The following LNPEP variants were observed in gnomAD, a reference collection of about 807,000 sequenced individuals.
LNPEP encodes the protein leucyl-cystinyl aminopeptidase.
In LNPEP, 64 loss-of-function variants were observed where a neutral mutation model predicts 120.6. That is an observed-to-expected ratio of 0.53 (90% CI 0.43 to 0.65). The LOEUF (loss-of-function observed/expected upper bound fraction) is 0.65. LNPEP is among the 30% of genes least tolerant of loss of function. LNPEP has a pLI of 0.00. For missense variants in LNPEP, 1,057 were observed against 1,200.0 expected, an observed-to-expected ratio of 0.88 and a Z score of 1.76; for synonymous variants, 435 against 425.4, an observed-to-expected ratio of 1.02 and a Z score of -0.28.
At chr5:96,979,051 T>C (rs895114727) in intron 1 of LNPEP, 87 bp from the exon 2 acceptor site, 2 of 1,440,992 alleles carry the variant, frequency 1.4e-6, no homozygotes, top group Middle Eastern at 1.8e-4. Context: ...TTAGTTTAAA[T>C]GTGGTCTAGG....
At chr5:96,974,954 G>A (rs891730369) in intron 1 of LNPEP, among the ~76,000 whole-genome samples, 10 of 151,966 alleles carry the variant, frequency 6.6e-5, no homozygotes, top group Admixed American at 4.6e-4. Context: ...TCTCCCTTTC[G>A]ATAGTCTCAT....
chr5:97,022,810 C>T (rs1373510056), intron 14 of LNPEP, among the ~76,000 whole-genome samples: 1 of 126,186 alleles, frequency 7.9e-6, no homozygotes, highest in Non-Finnish European at 1.6e-5. Context: ...ACAACAGTCC[C>T]CAGAGTGTGA....
chr5:96,979,089 CT>C (rs747444209), intron 1 of LNPEP, 48 bp from the exon 2 acceptor site: 377 of 1,398,644 alleles, frequency 2.7e-4, no homozygotes, highest in Middle Eastern at 3.8e-4. Context: ...ATATTATGAG[CT>C]TTTTTTTTTC....
At chr5:97,021,191 A>C (rs1791184644) in intron 13 of LNPEP, among the ~76,000 whole-genome samples, 1 of 152,172 alleles carries the variant, frequency 6.6e-6, no homozygotes, top group Non-Finnish European at 1.5e-5. Flanking sequence ...TTATAAATGA[A>C]ATATCGTATC....
intron 2 of LNPEP, among the ~76,000 whole-genome samples, chr5:96,983,448 T>A (rs1790171761): frequency 6.6e-6 from 1 of 151,550 alleles, no homozygotes; most frequent in Non-Finnish European, 1.5e-5. Context: ...CGAGGACTTT[T>A]CTTTTTTTTT....
intron 1 of LNPEP, among the ~76,000 whole-genome samples, chr5:96,957,026 T>A (rs1264274978): frequency 6.6e-6 from 1 of 152,244 alleles, no homozygotes; most frequent in African/African-American, 2.4e-5. Context: ...GAATTTTTAC[T>A]TTCTTGTTTA....
At chr5:96,991,755 G>T (rs897949381) in intron 4 of LNPEP, among the ~76,000 whole-genome samples, 1 of 152,170 alleles carries the variant, frequency 6.6e-6, no homozygotes, top group South Asian at 2.1e-4. Context: ...CACTTTGTGG[G>T]TTGTCTGTTC....
intron 1 of LNPEP, among the ~76,000 whole-genome samples, chr5:96,943,578 C>A (rs376470914): frequency 3.0e-4 from 45 of 152,322 alleles, no homozygotes; most frequent in African/African-American, 9.9e-4. Context: ...TGAGCCAGTG[C>A]GGCCCTGTGG....
intron 5 of LNPEP, 123 bp from the exon 6 acceptor site, chr5:96,993,694 C>A: frequency 1.1e-6 from 1 of 923,736 alleles, no homozygotes; most frequent in Non-Finnish European, 1.7e-6. Flanking sequence ...AGGAAGATTC[C>A]ATTTATTGTG....
intron 1 of LNPEP, among the ~76,000 whole-genome samples, chr5:96,951,829 T>C (rs73152158): frequency 0.026 from 3,993 of 152,282 alleles, 175 homozygotes; most frequent in African/African-American, 0.092. Flanking sequence ...TGTCCTGCAC[T>C]GAAGCAATTC....
intron 1 of LNPEP, among the ~76,000 whole-genome samples, chr5:96,969,208 A>C (rs1357869374): frequency 6.6e-6 from 1 of 152,066 alleles, no homozygotes; most frequent in Non-Finnish European, 1.5e-5. Flanking sequence ...CAGAAATCCA[A>C]ATACAAAAAT....
chr5:96,993,077 G>A lies in LNPEP; in HGVS notation c.1194G>A (p.Val398=). Residue 398 remains valine, a synonymous_variant, in exon 5 of 18, where the codon GTG becomes GTA. Transcript: ENST00000231368. Reference sequence around the variant, plus strand: ...TTCATTATGCCTTGGAAACAACTGTGAAGCTTCTTGAGTTTTTTCAAAACT... The same window carrying A: ...TTCATTATGCCTTGGAAACAACTGTAAAGCTTCTTGAGTTTTTTCAAAACT... ...GQVHYALETT[V]KLLEFFQNYF... 1.3e-6 allele frequency: 2 copies of A among 1,599,390 alleles called. No individual in the cohort carries two copies. The highest frequency in any genetic ancestry group is 1.7e-6 in the Non-Finnish European group (2 of 1,168,854).
intron 11 of LNPEP, among the ~76,000 whole-genome samples, chr5:97,012,679 A>G (rs568261451): frequency 2.6e-5 from 4 of 152,338 alleles, no homozygotes; most frequent in African/African-American, 7.2e-5. Flanking sequence ...CCAACTTTAA[A>G]AGACATTTCT....
chr5:96,946,978 C>T (rs1789199482), intron 1 of LNPEP, among the ~76,000 whole-genome samples: 1 of 152,124 alleles, frequency 6.6e-6, no homozygotes, highest in South Asian at 2.1e-4. Context: ...CACAGATACT[C>T]ATTATGTCTA....
rs571386163 is a variant in LNPEP at position 96,971,137 on chromosome 5, A to G, written c.20-8001A>G. On this transcript the variant is annotated intron_variant, in intron 1 of 17. Coordinates refer to ENST00000231368, the MANE Select transcript of LNPEP (RefSeq NM_005575.3). ...TGATTTTGAAGCATATTTTCACTGT[A>G]TGTGCAAAGTTGAGTTTAGAATTTT... Among the ~76,000 whole-genome samples the G allele has an allele frequency of 1.5e-4, 23 of 152,128 alleles. No individual in the cohort carries two copies. The East Asian group carries it at 2.3e-3, about 15-fold the overall frequency.
intron 5 of LNPEP, 60 bp downstream of exon 5, chr5:96,993,195 A>G: frequency 1.5e-6 from 2 of 1,306,276 alleles, no homozygotes; most frequent in Non-Finnish European, 2.1e-6. Flanking sequence ...TTATTTTGTG[A>G]ATTTTTTTAG....
intron 1 of LNPEP, among the ~76,000 whole-genome samples, chr5:96,956,183 A>G (rs1196068873): frequency 6.6e-6 from 1 of 152,274 alleles, no homozygotes; most frequent in Non-Finnish European, 1.5e-5. Flanking sequence ...TATTCTGAAT[A>G]CAGGCTTATA....
rs965918635 is a variant in LNPEP at position 96,990,024 on chromosome 5, A to C, written c.1132-2991A>C. On this transcript the variant is annotated intron_variant, in intron 4 of 17. Coordinates refer to ENST00000231368, the MANE Select transcript of LNPEP (RefSeq NM_005575.3). ...GAAGAATGTTTTAGGAGTAATCTGG[A>C]GGTATGAGTGATGTTTCTATTGGGG... Among the ~76,000 whole-genome samples the C allele has an allele frequency of 2.6e-5, 4 of 152,172 alleles. No individual in the cohort carries two copies. In the East Asian group the frequency reaches 7.7e-4, roughly 29 times the overall value.
chr5:96,957,704 C>T (rs998167910), intron 1 of LNPEP, among the ~76,000 whole-genome samples: 2 of 152,120 alleles, frequency 1.3e-5, no homozygotes, highest in Non-Finnish European at 2.9e-5. Flanking sequence ...TCCAGAACTT[C>T]CAGAAGGAAT....
Sources: gnomAD v4.1 joint callset for allele counts (sites outside exome capture counted in the v4.1 genomes callset) on GRCh38, gnomAD v4.1.1 for gene constraint, MANE v1.5 for transcripts, NCBI Gene and HGNC (gene_info 2026-07-23, HGNC 2026-07-21) for gene names.